ZP4: variants seen among roughly 807,000 people sequenced by gnomAD.
The protein encoded by ZP4 is zona pellucida sperm-binding protein 4.
ZP4 carries 62 observed loss-of-function variants against 62.3 expected under a neutral mutation model. The ratio of observed to expected loss-of-function variants is 0.99; its 90% CI spans 0.81 to 1.23. ZP4 has a LOEUF of 1.23. Among genes scored for constraint, ZP4 ranks in the 50% most tolerant of loss-of-function variants. ZP4 has a pLI of 0.00. For missense variants in ZP4, 774 were observed against 656.0 expected (o/e 1.18, Z -1.97); for synonymous variants, 289 against 247.3 (o/e 1.17, Z -1.58).
At chr1:237,888,710 G>C (rs1665167861) in intron 3 of ZP4, among the ~76,000 whole-genome samples, 200 bp from the exon 4 acceptor site, 1 of 152,182 alleles carries the variant, frequency 6.6e-6, no homozygotes, top group Admixed American at 6.5e-5. Flanking sequence ...AAGTCACCTT[G>C]TAAGAGTGCC....
rs763752199 is a variant in ZP4, at chr1:237,887,503, G to A, written c.612C>T (p.Thr204=). 1.9e-6 allele frequency: 3 copies of A among 1,614,178 alleles called. No homozygotes were observed. The part of the protein sequence containing the change: ...HFSIAVSRNV[T]SPPLLLDSVR... ...CAGAATCCAAGAGCAGTGGTGGCGA[G>A]GTCACGTTCCGAGACACAGCAATAG... Residue 204 remains threonine (T), a synonymous_variant, in exon 5 of 12, where the codon ACC becomes ACT. Transcript: ENST00000366570.
At chr1:237,883,958 A>T (rs528555001) in intron 10 of ZP4, among the ~76,000 whole-genome samples, 1,023 of 86,616 alleles carry the variant, frequency 0.012, 8 homozygotes, top group Non-Finnish European at 0.016. Flanking sequence ...AGAACTGGTC[A>T]CACACACAAA....
rs1558533760 is a variant in ZP4 at position 237,887,465 on chromosome 1, A to G, written c.650T>C (p.Leu217Pro). Reference protein sequence around the residue: ...PLLLDSVRLALRNDSACNPVM... With the variant: ...PLLLDSVRLAPRNDSACNPVM... ...AGGGTTACACGCACTGTCATTCCTA[A>G]GGGCCAAGCGCACAGAATCCAAGAG... The change falls in exon 5 of 12, where the codon CTT becomes CCT. Residue 217 changes from leucine (L) to proline (P), a missense_variant. Physicochemically the swap from Leu to Pro is moderately conservative, Grantham distance 98 (BLOSUM62 -3). Coordinates refer to ENST00000366570, the MANE Select transcript of ZP4 (RefSeq NM_021186.5). The G allele has an allele frequency of 6.2e-7, 1 of 1,614,220 alleles. No individual in the cohort carries two copies. The highest frequency in any genetic ancestry group is 1.7e-5 in the Admixed American group (1 of 60,034).
chr1:237,884,951 T>G, intron 9 of ZP4, 104 bp from the exon 10 acceptor site: 1 of 1,332,810 alleles, frequency 7.5e-7, no homozygotes, highest in Non-Finnish European at 1.0e-6. Flanking sequence ...ATCAGAAAAT[T>G]GATATGGTCC....
rs770557585 is a variant in ZP4 at position 237,890,662 on chromosome 1, G to A, written c.-27C>T. 6 of 1,601,574 alleles carry A rather than the reference G, an allele frequency of 3.7e-6. No homozygotes were observed. The highest frequency in any genetic ancestry group is 1.3e-5 in the African/African-American group (1 of 74,748). On this transcript the variant is annotated 5_prime_UTR_variant, in exon 1 of 12. Coordinates refer to ENST00000366570, the MANE Select transcript of ZP4 (RefSeq NM_021186.5). Reference sequence around the variant, plus strand: ...ATGCTACCAGGAGTTCCTGCCGGCTGCAGACTCTCCGCCTCCTCTCCCAAG... The same window carrying A: ...ATGCTACCAGGAGTTCCTGCCGGCTACAGACTCTCCGCCTCCTCTCCCAAG...
Position 237,890,782 on chromosome 1 carries a change from G to T in ZP4, c.-147C>A. On this transcript the variant is annotated 5_prime_UTR_variant, in exon 1 of 12. The change creates a new upstream start codon in the 5' untranslated region. Transcript: ENST00000366570. ...GTGACACTCAGGTGGGATGCCTTCA[G>T]AAAGGGGAATTCCTCTAGCCTCATT... The T allele has an allele frequency of 1.2e-6, 1 of 853,248 alleles. No homozygotes were observed. The highest frequency in any genetic ancestry group is 1.8e-6 in the Non-Finnish European group (1 of 566,856). The allele number at this position is 853,248 out of a possible 1,614,324, so 52.9% of individuals were successfully genotyped here. A position where few individuals can be genotyped will look rare whatever the true frequency, so the allele number is the denominator to read the frequency against.
At position 237,883,961 on chromosome 1, in the gene ZP4, CACACAA is replaced by C. The variant is rs1473601367; in HGVS notation, c.1390+802_1390+807del. Reference sequence around the variant, plus strand: ...CATGACAGAGCAAGAACTGGTCACACACACAAACACACACACACACAAACACACACA... The same window carrying C: ...CATGACAGAGCAAGAACTGGTCACACACACACACACACACAAACACACACA... On this transcript the variant is annotated intron_variant, in intron 10 of 11. Transcript: ENST00000366570. Among the ~76,000 whole-genome samples, 39 of 79,632 alleles carry C rather than the reference CACACAA, an allele frequency of 4.9e-4. 3 individuals carry two copies. Among genetic ancestry groups the C allele is most frequent in the African/African-American group, 2.4e-3 (37 of 15,328 alleles). 52.2% of individuals were successfully genotyped at this position (79,632 alleles called of 152,430 possible). A position where few individuals can be genotyped will look rare whatever the true frequency, so the allele number is the denominator to read the frequency against.
chr1:237,885,920 T>C (rs1247686258), intron 6 of ZP4, 34 bp from the exon 7 acceptor site: 3 of 1,612,572 alleles, frequency 1.9e-6, no homozygotes, highest in Middle Eastern at 1.7e-4. Flanking sequence ...TAGTTGGTTG[T>C]GGGAAGTGGG....
In ZP4 at chr1:237,887,470, C is replaced by G; in HGVS notation, c.645G>C (p.Leu215Phe). ...TACACGCACTGTCATTCCTAAGGGC[C>G]AAGCGCACAGAATCCAAGAGCAGTG... ...SPPLLLDSVRLALRNDSACNP... is the reference protein window; with the variant it reads ...SPPLLLDSVRFALRNDSACNP... The change falls in exon 5 of 12, where the codon TTG becomes TTC. Residue 215 changes from leucine to phenylalanine, a missense_variant. By Grantham distance (22) the Leu-to-Phe change is conservative. Transcript: ENST00000366570. 1.2e-6 allele frequency: 2 copies of G among 1,614,184 alleles called. No homozygotes were observed. Among genetic ancestry groups the G allele is most frequent in the Non-Finnish European group, 1.7e-6 (2 of 1,180,034 alleles).
In ZP4 at chr1:237,885,901, G is replaced by A. The variant is rs1665091213; in HGVS notation, c.840-15C>T. 1 of 1,613,654 alleles carries A rather than the reference G, an allele frequency of 6.2e-7. No homozygotes were observed. The highest frequency in any genetic ancestry group is 8.5e-7 in the Non-Finnish European group (1 of 1,179,862). ...TGACATGGAGCCTGCAGAGAAACAA[G>A]ATTTTAGCTAGTTGGTTGTGGGAAG... is the stretch of plus-strand genomic sequence containing the variant. On this transcript the variant is annotated splice_polypyrimidine_tract_variant and intron_variant, in intron 6 of 11. Coordinates refer to ENST00000366570, the MANE Select transcript of ZP4 (RefSeq NM_021186.5).
At chr1:237,883,700 AGGGCGGGG>A (rs1664981676) in intron 10 of ZP4, among the ~76,000 whole-genome samples, 305 of 12,290 alleles carry the variant, frequency 0.025, 52 homozygotes, top group African/African-American at 0.11. Context: ...AGGGCGGGGG[AGGGCGGGG>A]GAGGGCGGGG....
intron 6 of ZP4, among the ~76,000 whole-genome samples, chr1:237,886,267 T>C (rs1322663098): frequency 2.6e-5 from 4 of 152,116 alleles, no homozygotes; most frequent in Admixed American, 6.6e-5. Context: ...GAGAATTCCA[T>C]AGAAGAACCA....
At chr1:237,884,047 CACACAAACACACACAAACACACACAA>C (rs1558531272) in intron 10 of ZP4, among the ~76,000 whole-genome samples, 21 of 135,282 alleles carry the variant, frequency 1.6e-4, no homozygotes, top group African/African-American at 6.0e-4. Context: ...CACACAAACA[CACACAAACACACACAAACACACACAA>C]ACACACACAA....
chr1:237,883,740 AG>A lies in ZP4; in HGVS notation c.1391-895del, dbSNP rs1192572050. On this transcript the variant is annotated intron_variant, in intron 10 of 11. Transcript: ENST00000366570. ...GGGGGAGGGCGGGGGAGGGAGAGAG[AG>A]GGAGAGAGAGGGAGAGAGAGGGAGA... 1.2e-3 allele frequency among the ~76,000 whole-genome samples: 96 copies of A among 76,834 alleles called. 4 individuals are homozygous for A. The highest frequency in any genetic ancestry group is 2.4e-3 in the Non-Finnish European group (84 of 34,588). The allele number at this position is 76,834 out of a possible 152,430, so 50.4% of individuals were successfully genotyped here. A position where few individuals can be genotyped will look rare whatever the true frequency, so the allele number is the denominator to read the frequency against.
At chr1:237,885,641 AC>A in intron 7 of ZP4, 61 bp from the exon 8 acceptor site, 1 of 1,596,212 alleles carries the variant, frequency 6.3e-7, no homozygotes, top group South Asian at 1.1e-5. Flanking sequence ...AGGGACTGTC[AC>A]CCCTTTAAAT....
intron 4 of ZP4, 91 bp from the exon 5 acceptor site, chr1:237,887,652 C>A: frequency 7.4e-7 from 1 of 1,359,340 alleles, no homozygotes; most frequent in Non-Finnish European, 1.0e-6. Flanking sequence ...ACTTTTAATC[C>A]CACTGAGAAG....
chr1:237,889,888 T>G lies in ZP4; in HGVS notation c.379A>C (p.Lys127Gln). The G allele has an allele frequency of 6.2e-7, 1 of 1,613,804 alleles. No individual in the cohort carries two copies. ...HKVVTERKLL[K>Q]CPMDLLARDA... ...TTACCTAGAAGATCCATAGGACACT[T>G]GAGCAGCTTCCTCTCTGTAACCACC... The change falls in exon 3 of 12, where the codon AAG becomes CAG. Residue 127 changes from lysine to glutamine, a missense_variant. Coordinates refer to ENST00000366570, the MANE Select transcript of ZP4 (RefSeq NM_021186.5).
At chr1:237,885,144 T>G (rs1476987932) in intron 9 of ZP4, 21 bp downstream of exon 9, 1 of 1,610,384 alleles carries the variant, frequency 6.2e-7, no homozygotes, top group East Asian at 2.2e-5. Flanking sequence ...CTGGTGAGTG[T>G]CATGGAAGGG....
intron 10 of ZP4, among the ~76,000 whole-genome samples, chr1:237,884,035 CACACACAAACACACACAA>C (rs1558531216): frequency 0.01 from 1,252 of 121,642 alleles, 44 homozygotes; most frequent in African/African-American, 0.046. Flanking sequence ...CACACACAAA[CACACACAAACACACACAA>C]ACACACACAA....
Sources: gnomAD v4.1 joint callset for allele counts (sites outside exome capture counted in the v4.1 genomes callset) on GRCh38, gnomAD v4.1.1 for gene constraint, MANE v1.5 for transcripts, NCBI Gene and HGNC (gene_info 2026-07-23, HGNC 2026-07-21) for gene names.